The following CDKL1 variants were observed in gnomAD, a reference collection of about 807,000 sequenced individuals.
The protein encoded by CDKL1 is cyclin-dependent kinase-like 1.
Under a neutral mutation model 42.0 loss-of-function variants are expected in CDKL1, and 41 were observed. The ratio of observed to expected loss-of-function variants is 0.98; its 90% CI spans 0.76 to 1.27. The LOEUF is 1.27. CDKL1 is among the 50% of genes most tolerant of loss of function. The probability of loss-of-function intolerance (pLI) is 0.00; values close to 1 mark genes in which losing one functional copy is unlikely to be tolerated. For synonymous variants in CDKL1, 153 were observed against 158.6 expected (o/e 0.96, Z 0.26); for missense variants, 394 against 428.4 (o/e 0.92, Z 0.71).
chr14:50,377,430 CT>C (rs1375241048), intron 2 of CDKL1: 1 of 338,708 alleles, frequency 3.0e-6, no homozygotes, highest in East Asian at 1.6e-4. Context: ...GTTTTCTCCC[CT>C]GTCACCTACT....
chr14:50,393,927 T>G (rs935267018), intron 2 of CDKL1, among the ~76,000 whole-genome samples: 2 of 152,194 alleles, frequency 1.3e-5, no homozygotes, highest in African/African-American at 2.4e-5. Flanking sequence ...TTTGTTAACT[T>G]TTTTTTCCAA....
At chr14:50,333,177 GTAAAA>G in intron 8 of CDKL1, 1 of 152,644 alleles carries the variant, frequency 6.6e-6, no homozygotes, top group East Asian at 1.9e-4. Context: ...TAGGGGCTGG[GTAAAA>G]TAAGGCTGAG....
At chr14:50,390,350 G>T (rs1351968334) in intron 2 of CDKL1, 1 of 1,366,218 alleles carries the variant, frequency 7.3e-7, no homozygotes, top group Admixed American at 1.9e-5. Flanking sequence ...ACTCCGCTAG[G>T]AGCATCTACT....
intron 2 of CDKL1, chr14:50,390,070 T>A: frequency 1.1e-6 from 1 of 911,954 alleles, no homozygotes; most frequent in Non-Finnish European, 1.6e-6. Context: ...AATTTGTGCA[T>A]CCTAAGTAAC....
At chr14:50,373,233 G>C (rs2034637816) in intron 2 of CDKL1, among the ~76,000 whole-genome samples, 1 of 151,942 alleles carries the variant, frequency 6.6e-6, no homozygotes, top group African/African-American at 2.4e-5. Flanking sequence ...TGCAACAAAG[G>C]GTTATATTCC....
At chr14:50,332,716 A>G in intron 8 of CDKL1, 2 of 1,528,468 alleles carry the variant, frequency 1.3e-6, no homozygotes, top group Non-Finnish European at 1.8e-6. Context: ...ATATAATTTT[A>G]GAGTTTACCT....
intron 3 of CDKL1, among the ~76,000 whole-genome samples, chr14:50,350,613 T>G (rs1273872888): frequency 6.6e-6 from 1 of 152,146 alleles, no homozygotes; most frequent in Non-Finnish European, 1.5e-5. Context: ...GGATCCAACT[T>G]GGGCCTTTTG....
chr14:50,376,777 G>T (rs369151925), intron 2 of CDKL1, among the ~76,000 whole-genome samples: 18 of 152,168 alleles, frequency 1.2e-4, no homozygotes, highest in African/African-American at 4.1e-4. Flanking sequence ...ACTACTGTAA[G>T]ATCTGGGATT....
intron 2 of CDKL1, among the ~76,000 whole-genome samples, chr14:50,371,263 G>A (rs1005399241): frequency 2.6e-5 from 4 of 152,192 alleles, no homozygotes; most frequent in Non-Finnish European, 5.9e-5. Flanking sequence ...ACTCAGAAGT[G>A]GGATTGCTGG....
intron 3 of CDKL1, among the ~76,000 whole-genome samples, chr14:50,353,039 A>C (rs2139431798): frequency 6.6e-6 from 1 of 152,356 alleles, no homozygotes; most frequent in Middle Eastern, 3.4e-3. Flanking sequence ...TTTAGGAATA[A>C]TTTATCATTA....
At chr14:50,377,616 G>C (rs1192587935) in intron 2 of CDKL1, 1 of 1,352,136 alleles carries the variant, frequency 7.4e-7, no homozygotes, top group East Asian at 4.7e-5. Flanking sequence ...ATGGCAACAA[G>C]GACCCCACTG....
chr14:50,369,048 G>T (rs974438117), intron 2 of CDKL1, among the ~76,000 whole-genome samples: 19 of 151,704 alleles, frequency 1.3e-4, no homozygotes, highest in African/African-American at 4.1e-4. Flanking sequence ...TGTATTTTTA[G>T]TAGAGACAGG....
At chr14:50,358,634 G>GTTTTTTTTTTTTT (rs1379484175) in intron 3 of CDKL1, among the ~76,000 whole-genome samples, 9 of 45,118 alleles carry the variant, frequency 2.0e-4, no homozygotes, top group Non-Finnish European at 3.7e-4. Context: ...TTTTTAACTA[G>GTTTTTTTTTTTTT]TCTTTTTTTT....
chr14:50,342,052 T>C (rs2033561704), intron 5 of CDKL1, 80 bp downstream of exon 5: 2 of 1,118,922 alleles, frequency 1.8e-6, no homozygotes, highest in Non-Finnish European at 2.7e-6. Flanking sequence ...TCTTGTATAC[T>C]TCTAGAGCAT....
intron 5 of CDKL1, among the ~76,000 whole-genome samples, chr14:50,341,456 T>C (rs1326028406): frequency 9.8e-5 from 7 of 71,624 alleles, no homozygotes; most frequent in East Asian, 9.7e-4. Context: ...GGGGAGGGTC[T>C]GGGGGGGGGG....
At chr14:50,351,032 C>G (rs1294128195) in intron 3 of CDKL1, among the ~76,000 whole-genome samples, 1 of 152,076 alleles carries the variant, frequency 6.6e-6, no homozygotes, top group Non-Finnish European at 1.5e-5. Flanking sequence ...TTGTTTCACC[C>G]CCCAGGAACA....
At chr14:50,358,657 T>TTTTTTTTTTTTTTTTA (rs2034138679) in intron 3 of CDKL1, among the ~76,000 whole-genome samples, 2 of 141,676 alleles carry the variant, frequency 1.4e-5, no homozygotes, top group Non-Finnish European at 3.1e-5. Context: ...TTTTTTTTTT[T>TTTTTTTTTTTTTTTTA]GAGACAGAGT....
At chr14:50,342,653 G>T in intron 4 of CDKL1, 1 of 232,752 alleles carries the variant, frequency 4.3e-6, no homozygotes, top group Non-Finnish European at 8.0e-6. Context: ...TTAGGTGAAA[G>T]GGAAAATGTT....
intron 7 of CDKL1, among the ~76,000 whole-genome samples, chr14:50,336,701 G>C (rs1368493423): frequency 6.6e-6 from 1 of 152,146 alleles, no homozygotes; most frequent in Non-Finnish European, 1.5e-5. Context: ...AGATTTCACA[G>C]ACCTTAATTA....
Sources: allele counts gnomAD v4.1 joint callset (sites outside exome capture counted in the v4.1 genomes callset), GRCh38; gene constraint gnomAD v4.1.1; transcripts MANE v1.5; gene names NCBI Gene and HGNC (gene_info 2026-07-23, HGNC 2026-07-21).